Variants in TBC1D14 observed in about 807,000 individuals in gnomAD.
The protein encoded by TBC1D14 is TBC1 domain family, member 14.
TBC1D14 carries 26 observed loss-of-function variants against 79.0 expected under a neutral mutation model. The observed-to-expected ratio is 0.33, with a 90% confidence interval of 0.24 to 0.46. TBC1D14 has a LOEUF of 0.46. TBC1D14 is among the 20% of genes least tolerant of loss of function. TBC1D14 has a pLI of 1.00. For missense variants in TBC1D14, 769 were observed against 887.6 expected, an observed-to-expected ratio of 0.87 and a Z score of 1.70; for synonymous variants, 394 against 349.9, an observed-to-expected ratio of 1.13 and a Z score of -1.40.
chr4:6,976,688 G>A (rs1020079546), intron 3 of TBC1D14, among the ~76,000 whole-genome samples: 7 of 152,190 alleles, frequency 4.6e-5, no homozygotes, highest in African/African-American at 7.2e-5. Context: ...CTGTATGCTA[G>A]GAGGAGACTT....
Position 6,930,336 on chromosome 4 carries a change from C to T in TBC1D14, c.722+6225C>T, listed in dbSNP as rs143186427. Among the ~76,000 whole-genome samples the T allele has an allele frequency of 1.1e-3, 165 of 152,284 alleles. 1 individual carries two copies. The East Asian group carries it at 0.013, about 12-fold the overall frequency. ...TGAGGCTGGAGTCAGCCGTTTGTCA[C>T]GGGGCCTGCTGCTGGGTTGGTGGCC... On this transcript the variant is annotated intron_variant, in intron 2 of 13. Coordinates refer to ENST00000409757, the MANE Select transcript of TBC1D14 (RefSeq NM_020773.3).
At position 6,969,385 on chromosome 4, in the gene TBC1D14, GTTTGTCTT is replaced by G. The variant is rs903875652; in HGVS notation, c.843+1965_843+1972del. ...TATCACTTACATAATGTTTGAACTT[GTTTGTCTT>G]TTTAAGACCCTGTTTTTTTTTCTTT... is the stretch of plus-strand genomic sequence containing the variant. On this transcript the variant is annotated intron_variant, in intron 3 of 13. Transcript: ENST00000409757. 2.5e-4 allele frequency among the ~76,000 whole-genome samples: 38 copies of G among 152,116 alleles called. 1 individual carries two copies. The highest frequency in any genetic ancestry group is 3.4e-3 in the Middle Eastern group (1 of 294).
intron 3 of TBC1D14, among the ~76,000 whole-genome samples, chr4:6,986,965 G>A (rs1410449261): frequency 6.6e-6 from 1 of 152,198 alleles, no homozygotes; most frequent in Non-Finnish European, 1.5e-5. Context: ...ATTTCTTTTG[G>A]CAACACGTTT....
rs369979091 is a variant in TBC1D14 at position 6,923,405 on chromosome 4, C to T, written c.16C>T (p.Leu6Phe). 6 of 1,606,246 alleles carry T rather than the reference C, an allele frequency of 3.7e-6. No individual in the cohort carries two copies. Among genetic ancestry groups the T allele is most frequent in the African/African-American group, 2.7e-5 (2 of 74,632 alleles). ...TTGGACCAAGATGACTGATGGAAAA[C>T]TCTCCACCTCTACAAATGGCGTAGC... MTDGKLSTSTNGVAFM... is the reference protein window; with the variant it reads MTDGKFSTSTNGVAFM... The change falls in exon 2 of 14, where the codon CTC (leucine) becomes TTC (phenylalanine). Residue 6 changes from leucine to phenylalanine, a missense_variant. This residue lies in a region of TBC1D14 where 402 missense variants were observed against 393.2 expected (regional missense o/e 1.02). Transcript: ENST00000409757.
intron 2 of TBC1D14, among the ~76,000 whole-genome samples, chr4:6,939,949 A>G (rs1023900434): frequency 2.2e-4 from 34 of 151,974 alleles, no homozygotes; most frequent in African/African-American, 6.5e-4. Flanking sequence ...TTCAGGCGTC[A>G]CGACCTACAC....
chr4:6,920,708 G>A (rs569568758), intron 1 of TBC1D14, among the ~76,000 whole-genome samples: 2 of 152,306 alleles, frequency 1.3e-5, no homozygotes, highest in Admixed American at 6.5e-5. Flanking sequence ...ATAGAGCCCA[G>A]GAGCGTGTGA....
intron 2 of TBC1D14, among the ~76,000 whole-genome samples, chr4:6,939,458 C>G (rs547214557): frequency 1.3e-5 from 2 of 152,214 alleles, no homozygotes; most frequent in African/African-American, 4.8e-5. Flanking sequence ...CTGCCTCTCA[C>G]TTATTGTACG....
At chr4:6,973,475 C>T (rs548917369) in intron 3 of TBC1D14, among the ~76,000 whole-genome samples, 2 of 152,182 alleles carry the variant, frequency 1.3e-5, no homozygotes, top group African/African-American at 4.8e-5. Flanking sequence ...GGTCCCGGTC[C>T]CAGGTTAGAC....
chr4:6,922,257 C>T (rs549433507), intron 1 of TBC1D14, among the ~76,000 whole-genome samples: 3 of 152,192 alleles, frequency 2.0e-5, no homozygotes, highest in Non-Finnish European at 2.9e-5. Context: ...GGTCTTGTTA[C>T]GTTGCCCACG....
intron 11 of TBC1D14, among the ~76,000 whole-genome samples, chr4:7,012,022 C>T (rs1392019809): frequency 6.6e-6 from 1 of 151,600 alleles, no homozygotes; most frequent in Non-Finnish European, 1.5e-5. Context: ...GTTGGTTGGC[C>T]GGGCATGGTG....
At position 7,003,226 on chromosome 4, in the gene TBC1D14, T is replaced by A. The variant is rs538467479; in HGVS notation, c.1271-1618T>A. ...CAATAAAGAAAGCCATGGGGGAGAC[T>A]TACAACTCTTTGACACTTTGACCCA... On this transcript the variant is annotated intron_variant, in intron 7 of 13. Coordinates refer to ENST00000409757, the MANE Select transcript of TBC1D14 (RefSeq NM_020773.3). 4.9e-4 allele frequency among the ~76,000 whole-genome samples: 74 copies of A among 152,342 alleles called. 1 individual carries two copies. Among genetic ancestry groups the A allele is most frequent in the Non-Finnish European group, 1.3e-4 (9 of 68,024 alleles).
At chr4:7,026,916 C>G (rs190742363) in intron 13 of TBC1D14, among the ~76,000 whole-genome samples, 1 of 150,838 alleles carries the variant, frequency 6.6e-6, no homozygotes, top group Non-Finnish European at 1.5e-5. Context: ...AACAAACAAA[C>G]AAAAAAAACA....
At chr4:7,023,772 G>A (rs1404742911) in intron 12 of TBC1D14, among the ~76,000 whole-genome samples, 2 of 152,206 alleles carry the variant, frequency 1.3e-5, no homozygotes, top group Non-Finnish European at 2.9e-5. Flanking sequence ...AGATGAGAGA[G>A]CCCGTCTCCC....
chr4:6,924,406 C>G (rs1298213596), intron 2 of TBC1D14, among the ~76,000 whole-genome samples: 1 of 152,178 alleles, frequency 6.6e-6, no homozygotes, highest in Non-Finnish European at 1.5e-5. Context: ...CAGCCTGAGC[C>G]TCTGCGGGGC....
chr4:6,986,907 A>G (rs1038363868), intron 3 of TBC1D14, among the ~76,000 whole-genome samples: 1 of 152,252 alleles, frequency 6.6e-6, no homozygotes, highest in Non-Finnish European at 1.5e-5. Flanking sequence ...AAAACTGCTC[A>G]CAATCACCCC....
rs748098006 is a variant in TBC1D14, at chr4:6,924,070, T to A, written c.681T>A (p.Ser227Arg). Reference protein sequence around the residue: ...QDCVHEAEEGSKLKILGPFSN... With the variant: ...QDCVHEAEEGRKLKILGPFSN... The stretch of plus-strand genomic sequence containing the variant: ...GTGTTCATGAAGCTGAGGAGGGGAG[T>A]AAATTGAAAATATTGGGGCCATTTA... Residue 227 changes from serine to arginine, a missense_variant, in exon 2 of 14, where the codon AGT becomes AGA. Ser to Arg is a moderately radical substitution (Grantham distance 110). Transcript: ENST00000409757. The A allele has an allele frequency of 6.2e-7, 1 of 1,613,506 alleles. No individual in the cohort carries two copies. The highest frequency in any genetic ancestry group is 8.5e-7 in the Non-Finnish European group (1 of 1,179,902).
At chr4:6,962,789 G>C (rs773885177) in intron 2 of TBC1D14, among the ~76,000 whole-genome samples, 1 of 152,128 alleles carries the variant, frequency 6.6e-6, no homozygotes, top group Non-Finnish European at 1.5e-5. Context: ...CCTCTGTTGA[G>C]TTCTCAGTCT....
chr4:6,988,886 T>TTTCTTG (rs1491440651), intron 3 of TBC1D14, among the ~76,000 whole-genome samples: 1 of 13,074 alleles, frequency 7.6e-5, no homozygotes, highest in Admixed American at 6.2e-4. Context: ...TCTTTCTTTC[T>TTTCTTG]TTTTTTTTTT....
intron 2 of TBC1D14, among the ~76,000 whole-genome samples, chr4:6,936,471 C>T (rs988937168): frequency 7.2e-5 from 11 of 152,152 alleles, no homozygotes; most frequent in Non-Finnish European, 1.3e-4. Context: ...TAGCTCATTT[C>T]TTTTTAGCAC....
Sources: allele counts gnomAD v4.1 joint callset (sites outside exome capture counted in the v4.1 genomes callset), GRCh38; gene constraint gnomAD v4.1.1; regional missense constraint gnomAD v4.1.1; transcripts MANE v1.5; gene names NCBI Gene and HGNC (gene_info 2026-07-23, HGNC 2026-07-21).